The following ARNT2 variants were observed in gnomAD, a reference collection of about 807,000 sequenced individuals.
ARNT2 encodes ARNT protein 2.
In ARNT2, 36 loss-of-function variants were observed where a neutral mutation model predicts 91.7. The ratio of observed to expected loss-of-function variants is 0.39; its 90% CI spans 0.30 to 0.52. The LOEUF (loss-of-function observed/expected upper bound fraction) is 0.52. Ranked by LOEUF, ARNT2 falls within the 20% of genes least tolerant of loss-of-function variation. The pLI is 0.72. For synonymous variants in ARNT2, 365 were observed against 347.1 expected, an observed-to-expected ratio of 1.05 and a Z score of -0.57; for missense variants, 775 against 939.3, an observed-to-expected ratio of 0.83 and a Z score of 2.29.
intron 8 of ARNT2, among the ~76,000 whole-genome samples, chr15:80,539,614 T>G (rs1897876819): frequency 6.6e-6 from 1 of 152,080 alleles, no homozygotes; most frequent in African/African-American, 2.4e-5. Flanking sequence ...TAAAATATAA[T>G]TACTTAAGAG....
intron 3 of ARNT2, among the ~76,000 whole-genome samples, chr15:80,466,609 A>C (rs894051251): frequency 1.3e-5 from 2 of 152,240 alleles, no homozygotes; most frequent in Non-Finnish European, 2.9e-5. Flanking sequence ...TTGCCCCAGC[A>C]AACATGATCT....
At chr15:80,568,367 G>C (rs1898524013) in intron 12 of ARNT2, among the ~76,000 whole-genome samples, 1 of 152,152 alleles carries the variant, frequency 6.6e-6, no homozygotes, top group Non-Finnish European at 1.5e-5. Flanking sequence ...GTCTGTTCAG[G>C]CCAAGTCCTA....
chr15:80,417,341 G>GTTTTC (rs144476483), intron 1 of ARNT2, among the ~76,000 whole-genome samples: 4 of 41,532 alleles, frequency 9.6e-5, no homozygotes, highest in Non-Finnish European at 2.4e-4. Context: ...ATTAATTTAT[G>GTTTTC]ATTTAAGTTT....
At chr15:80,554,900 C>T (rs568364950) in intron 10 of ARNT2, 165 bp from the exon 11 acceptor site, 26 of 601,642 alleles carry the variant, frequency 4.3e-5, no homozygotes, top group East Asian at 3.3e-4. Context: ...AGTTCTCTGA[C>T]GGCTCCCAGG....
chr15:80,516,057 G>C (rs1206252087), intron 8 of ARNT2, among the ~76,000 whole-genome samples: 1 of 152,062 alleles, frequency 6.6e-6, no homozygotes, highest in Non-Finnish European at 1.5e-5. Flanking sequence ...TTTTAGTAGA[G>C]ATGGGGTTTC....
chr15:80,440,616 G>A (rs1595963041), intron 1 of ARNT2, among the ~76,000 whole-genome samples: 2 of 152,092 alleles, frequency 1.3e-5, no homozygotes, highest in African/African-American at 4.8e-5. Flanking sequence ...AGGTGGGAGG[G>A]CATCTCCCCG....
intron 3 of ARNT2, among the ~76,000 whole-genome samples, chr15:80,460,972 G>A (rs769744832): frequency 1.5e-4 from 23 of 152,286 alleles, no homozygotes; most frequent in Non-Finnish European, 3.2e-4. Context: ...GGCCAAGTGC[G>A]AGGCTGTGGG....
intron 1 of ARNT2, among the ~76,000 whole-genome samples, chr15:80,445,726 A>G (rs994095344): frequency 6.6e-5 from 10 of 151,954 alleles, no homozygotes; most frequent in African/African-American, 9.7e-5. Context: ...GCTGATGCAG[A>G]GACAGGACTC....
In ARNT2 at chr15:80,569,335, G is replaced by A. The variant is rs192813230; in HGVS notation, c.1317-4813G>A. Among the ~76,000 whole-genome samples, 15 of 152,332 alleles carry A rather than the reference G, an allele frequency of 9.8e-5. 1 individual carries two copies. The highest frequency in any genetic ancestry group is 3.6e-4 in the African/African-American group (15 of 41,572). ...AGCCCAGCTAATGGAGGGCAGCACT[G>A]GCTGTGGTAGGAACCCACTTCCCTC... On this transcript the variant is annotated intron_variant, in intron 12 of 18. Coordinates refer to ENST00000303329, the MANE Select transcript of ARNT2 (RefSeq NM_014862.4).
At chr15:80,563,362 G>A in intron 12 of ARNT2, 123 bp downstream of exon 12, 1 of 1,294,936 alleles carries the variant, frequency 7.7e-7, no homozygotes. Flanking sequence ...ATCCCTGTAG[G>A]ATTAAGAATA....
intron 8 of ARNT2, 125 bp from the exon 9 acceptor site, chr15:80,551,074 C>T: frequency 1.2e-6 from 1 of 851,546 alleles, no homozygotes; most frequent in Non-Finnish European, 1.9e-6. Flanking sequence ...CATTGGCTGG[C>T]TTCCCAGCCC....
chr15:80,579,270 A>T (rs1438142971), intron 15 of ARNT2, among the ~76,000 whole-genome samples: 1 of 152,216 alleles, frequency 6.6e-6, no homozygotes, highest in Non-Finnish European at 1.5e-5. Context: ...CAATACTTTC[A>T]TCAGGAAGGA....
rs1288113669 is a variant in ARNT2, at chr15:80,580,271, TGA to T, written c.1614-138_1614-137del. On this transcript the variant is annotated intron_variant, in intron 15 of 18. Coordinates refer to ENST00000303329, the MANE Select transcript of ARNT2 (RefSeq NM_014862.4). ...AAGGGGCTTTGAGGCTCACGATGTG[TGA>T]GTCATTTTCTCTAGTGACGTGCTGC... The T allele has an allele frequency of 1.9e-5, 21 of 1,108,340 alleles. No homozygotes were observed. In the East Asian group the frequency reaches 4.8e-4, roughly 25 times the overall value. 68.7% of individuals were successfully genotyped at this position (1,108,340 alleles called of 1,614,324 possible).
At chr15:80,544,992 A>C (rs1319230222) in intron 8 of ARNT2, among the ~76,000 whole-genome samples, 1 of 152,096 alleles carries the variant, frequency 6.6e-6, no homozygotes, top group Non-Finnish European at 1.5e-5. Context: ...CCACCCCACC[A>C]CTGGAGGAGT....
At chr15:80,457,637 T>C (rs925189325) in intron 2 of ARNT2, among the ~76,000 whole-genome samples, 4 of 152,244 alleles carry the variant, frequency 2.6e-5, no homozygotes, top group African/African-American at 9.6e-5. Context: ...CATTGTCTGC[T>C]AAGAGTTCTA....
At chr15:80,540,720 T>C (rs909505965) in intron 8 of ARNT2, among the ~76,000 whole-genome samples, 3 of 152,268 alleles carry the variant, frequency 2.0e-5, no homozygotes, top group African/African-American at 7.2e-5. Flanking sequence ...AATGTTTAGT[T>C]CCCACTTATA....
In ARNT2 at chr15:80,470,213, G is replaced by C; in HGVS notation, c.195-5G>C. 2 of 1,613,256 alleles carry C rather than the reference G, an allele frequency of 1.2e-6. No homozygotes were observed. Among genetic ancestry groups the C allele is most frequent in the Non-Finnish European group, 1.7e-6 (2 of 1,179,590 alleles). On this transcript the variant is annotated splice_polypyrimidine_tract_variant and splice_region_variant and intron_variant, in intron 3 of 18. Transcript: ENST00000303329. ...CCCTCTCCTGATCTCGTGCTTTCTG[G>C]AAAGAGAGAATCATAGTGAAATCGA...
intron 8 of ARNT2, among the ~76,000 whole-genome samples, chr15:80,530,624 T>G (rs1030491486): frequency 3.9e-5 from 6 of 152,150 alleles, no homozygotes; most frequent in Non-Finnish European, 8.8e-5. Context: ...ATCTCAGACT[T>G]GAGTCATTTT....
chr15:80,525,308 G>A (rs1200695747), intron 8 of ARNT2, among the ~76,000 whole-genome samples: 1 of 152,178 alleles, frequency 6.6e-6, no homozygotes, highest in Non-Finnish European at 1.5e-5. Context: ...ATAATAGCAT[G>A]CCTACAGGAT....
Sources: gnomAD v4.1 joint callset for allele counts (sites outside exome capture counted in the v4.1 genomes callset) on GRCh38, gnomAD v4.1.1 for gene constraint, MANE v1.5 for transcripts, NCBI Gene and HGNC (gene_info 2026-07-23, HGNC 2026-07-21) for gene names.